ZNF92: variants seen among roughly 807,000 people sequenced by gnomAD.
The protein encoded by ZNF92 is epididymis luminal protein 203.
A neutral mutation model predicts 12.4 loss-of-function variants in ZNF92; 11 were observed. That is an observed-to-expected ratio of 0.89 (90% confidence interval 0.56 to 1.47). ZNF92 has a LOEUF of 1.47. ZNF92 is among the 40% of genes most tolerant of loss of function. The pLI is 0.00. For missense variants in ZNF92, 622 were observed against 681.0 expected (o/e 0.91, Z 0.96); for synonymous variants, 206 against 228.6 (o/e 0.90, Z 0.89).
At position 65,401,049 on chromosome 7, in the gene ZNF92, C is replaced by CA. The variant is rs1167499563; in HGVS notation, c.*1174_*1175insA. Reference sequence around the variant, plus strand: ...ATTAATTATCATTTTGTTGATTGTGCTTTTATGTAATAAAATGCAGTACTT... The same window carrying CA: ...ATTAATTATCATTTTGTTGATTGTGCATTTTATGTAATAAAATGCAGTACTT... On this transcript the variant is annotated 3_prime_UTR_variant, in exon 4 of 4. Transcript: ENST00000328747. 1 of 151,938 alleles carries CA rather than the reference C, an allele frequency of 6.6e-6. No homozygotes were observed. Among genetic ancestry groups the CA allele is most frequent in the East Asian group, 1.9e-4 (1 of 5,190 alleles). 9.4% of individuals were successfully genotyped at this position (151,938 alleles called of 1,614,324 possible). A position where few individuals can be genotyped will look rare whatever the true frequency, so the allele number is the denominator to read the frequency against.
chr7:65,399,761 C>G lies in ZNF92; in HGVS notation c.1647C>G (p.Phe549Leu), dbSNP rs1465441332. Residue 549 changes from phenylalanine to leucine, a missense_variant, in exon 4 of 4, where the codon TTC becomes TTG. Physicochemically the swap from Phe to Leu is conservative, Grantham distance 22 (BLOSUM62 0). Coordinates refer to ENST00000328747, the MANE Select transcript of ZNF92 (RefSeq NM_152626.4). ...YEECDKAFNK[F>L]STLITHQIIY... ...AATGTGACAAAGCCTTTAACAAGTT[C>G]TCAACCCTTATTACACATCAGATAA... The G allele has an allele frequency of 3.7e-6, 6 of 1,613,432 alleles. No homozygotes were observed. The African/African-American group carries it at 5.3e-5, about 14-fold the overall frequency.
At chr7:65,385,962 A>G (rs1338103622) in intron 1 of ZNF92, among the ~76,000 whole-genome samples, 1 of 151,860 alleles carries the variant, frequency 6.6e-6, no homozygotes, top group Non-Finnish European at 1.5e-5. Flanking sequence ...TTTCCTCCCT[A>G]ATGAGTTTGT....
At chr7:65,392,463 CCAGG>C (rs1562795360) in intron 3 of ZNF92, among the ~76,000 whole-genome samples, 2 of 151,028 alleles carry the variant, frequency 1.3e-5, no homozygotes, top group Non-Finnish European at 2.9e-5. Flanking sequence ...CATTTCATTG[CCAGG>C]CATGGTGGTG....
Position 65,400,147 on chromosome 7 carries a change from A to G in ZNF92, c.*272A>G, listed in dbSNP as rs142600041. 99 of 285,314 alleles carry G rather than the reference A, an allele frequency of 3.5e-4. 1 individual carries two copies. Among genetic ancestry groups the G allele is most frequent in the African/African-American group, 1.9e-3 (85 of 45,806 alleles). 17.7% of individuals were successfully genotyped at this position (285,314 alleles called of 1,614,324 possible). A position where few individuals can be genotyped will look rare whatever the true frequency, so the allele number is the denominator to read the frequency against. On this transcript the variant is annotated 3_prime_UTR_variant, in exon 4 of 4. Coordinates refer to ENST00000328747, the MANE Select transcript of ZNF92 (RefSeq NM_152626.4). Reference sequence around the variant, plus strand: ...AAGCCATTTATATCTGCTCACATGTAAAAACATCAGTTCATACTTAATAAA... The same window carrying G: ...AAGCCATTTATATCTGCTCACATGTGAAAACATCAGTTCATACTTAATAAA...
chr7:65,388,244 C>G (rs1260240308), intron 2 of ZNF92: 1 of 334,316 alleles, frequency 3.0e-6, no homozygotes, highest in Non-Finnish European at 5.3e-6. Context: ...ATCCTTCACT[C>G]TAAATTAGTG....
intron 3 of ZNF92, among the ~76,000 whole-genome samples, chr7:65,396,339 G>A (rs981498308): frequency 6.6e-6 from 1 of 151,678 alleles, no homozygotes. Context: ...TAATCTCATA[G>A]TGACCTGCTT....
intron 1 of ZNF92, among the ~76,000 whole-genome samples, chr7:65,379,969 C>T (rs1793360810): frequency 6.6e-6 from 1 of 152,014 alleles, no homozygotes; most frequent in South Asian, 2.1e-4. Context: ...CTCTGAGGTA[C>T]TAAGCATAGA....
rs1793158221 is a variant in ZNF92, at chr7:65,373,914, T to TA, written c.-81dup. 3 of 1,594,242 alleles carry TA rather than the reference T, an allele frequency of 1.9e-6. No individual in the cohort carries two copies. The highest frequency in any genetic ancestry group is 3.3e-5 in the Admixed American group (2 of 59,978). On this transcript the variant is annotated 5_prime_UTR_variant, in exon 1 of 4. Coordinates refer to ENST00000328747, the MANE Select transcript of ZNF92 (RefSeq NM_152626.4). ...TTCACTGCTCTGCGTCCTGTGCTGA[T>TA]AAAGGCTCGCCGCTGTGACCCTGTT... is the stretch of plus-strand genomic sequence containing the variant.
chr7:65,374,017 C>T lies in ZNF92; in HGVS notation c.3+17C>T, dbSNP rs776398838. ...CTAGAAATGGTGAGCCTGCTGGGTC[C>T]CACATCCCGAGAGAGGGGGAGGGTC... is the stretch of plus-strand genomic sequence containing the variant. On this transcript the variant is annotated intron_variant, in intron 1 of 3. Transcript: ENST00000328747. 4.3e-6 allele frequency: 7 copies of T among 1,614,088 alleles called. 1 individual carries two copies. The South Asian group carries it at 6.6e-5, about 15-fold the overall frequency.
intron 1 of ZNF92, among the ~76,000 whole-genome samples, chr7:65,376,668 A>G (rs1161426499): frequency 1.3e-5 from 2 of 151,972 alleles, no homozygotes; most frequent in Admixed American, 1.3e-4. Flanking sequence ...GCTGGTCTTG[A>G]ACTCCTGACC....
At position 65,399,961 on chromosome 7, in the gene ZNF92, A is replaced by G. The variant is rs1214656654; in HGVS notation, c.*86A>G. 8.3e-7 allele frequency: 1 copy of G among 1,209,172 alleles called. No homozygotes were observed. Among genetic ancestry groups the G allele is most frequent in the African/African-American group, 1.5e-5 (1 of 65,988 alleles). 74.9% of individuals were successfully genotyped at this position (1,209,172 alleles called of 1,614,324 possible). Reference sequence around the variant, plus strand: ...CCCTAGAAATGTGAGGAATATGACAAGGACTTTAAATGGTTGTCACGCTTG... The same window carrying G: ...CCCTAGAAATGTGAGGAATATGACAGGGACTTTAAATGGTTGTCACGCTTG... On this transcript the variant is annotated 3_prime_UTR_variant, in exon 4 of 4. Coordinates refer to ENST00000328747, the MANE Select transcript of ZNF92 (RefSeq NM_152626.4).
At chr7:65,377,824 C>T (rs1469559310) in intron 1 of ZNF92, among the ~76,000 whole-genome samples, 3 of 152,098 alleles carry the variant, frequency 2.0e-5, no homozygotes, top group Non-Finnish European at 2.9e-5. Context: ...CTCGGCCTCC[C>T]AAAGTGTTGG....
At position 65,388,057 on chromosome 7, in the gene ZNF92, A is replaced by G. The variant is rs750952397; in HGVS notation, c.130+29A>G. ...AGGATAACTTCAATACACAATACACAATGCTCTAAAAGTTTCATTTCTCCT... is the reference window on the plus strand; with the variant it reads ...AGGATAACTTCAATACACAATACACGATGCTCTAAAAGTTTCATTTCTCCT... On this transcript the variant is annotated intron_variant, in intron 2 of 3. Coordinates refer to ENST00000328747, the MANE Select transcript of ZNF92 (RefSeq NM_152626.4). The G allele has an allele frequency of 5.8e-6, 9 of 1,563,856 alleles. No individual in the cohort carries two copies. In the African/African-American group the frequency reaches 1.3e-4, roughly 22 times the overall value.
At chr7:65,387,807 TTACTC>T in intron 1 of ZNF92, 90 bp from the exon 2 acceptor site, 1 of 1,416,494 alleles carries the variant, frequency 7.1e-7, no homozygotes, top group African/African-American at 1.5e-5. Context: ...CTTGTTCTCT[TTACTC>T]TTTCATTTCA....
rs769998215 is a variant in ZNF92, at chr7:65,399,696, A to G, written c.1582A>G (p.Lys528Glu). 3 of 1,613,370 alleles carry G rather than the reference A, an allele frequency of 1.9e-6. No individual in the cohort carries two copies. Among genetic ancestry groups the G allele is most frequent in the South Asian group, 1.1e-5 (1 of 91,036 alleles). The change falls in exon 4 of 4, where the codon AAG (lysine) becomes GAG (glutamate). Residue 528 changes from lysine to glutamate, a missense_variant. Lys to Glu is a moderately conservative substitution (Grantham distance 56). Transcript: ENST00000328747. The part of the protein sequence containing the change: ...FNQSSNLTAR[K>E]IIYTGEKPYK... ...CCAGTCCTCAAACCTTACTGCACGT[A>G]AGATAATTTATACTGGAGAGAAACC...
intron 1 of ZNF92, 130 bp downstream of exon 1, chr7:65,374,130 G>A: frequency 2.3e-6 from 3 of 1,306,302 alleles, no homozygotes; most frequent in Non-Finnish European, 3.3e-6. Context: ...TCTCCTTGGC[G>A]CAGCTCGGCC....
In ZNF92 at chr7:65,395,468, A is replaced by G. The variant is rs184591687; in HGVS notation, c.227-2873A>G. Reference sequence around the variant, plus strand: ...TAGAAAGTTTTGTACATGTCTGTTAAGCCTAGTTGGTCTATGATATTGTTT... The same window carrying G: ...TAGAAAGTTTTGTACATGTCTGTTAGGCCTAGTTGGTCTATGATATTGTTT... On this transcript the variant is annotated intron_variant, in intron 3 of 3. Transcript: ENST00000328747. 7.4e-4 allele frequency among the ~76,000 whole-genome samples: 113 copies of G among 152,256 alleles called. 1 individual carries two copies. Among genetic ancestry groups the G allele is most frequent in the African/African-American group, 2.7e-3 (111 of 41,544 alleles).
intron 1 of ZNF92, 50 bp from the exon 2 acceptor site, chr7:65,387,852 G>A: frequency 6.6e-7 from 1 of 1,509,994 alleles, no homozygotes; most frequent in East Asian, 2.5e-5. Flanking sequence ...TTCTGCCCAT[G>A]GCCACTTAGT....
In ZNF92 at chr7:65,398,613, C is replaced by T; in HGVS notation, c.499C>T (p.His167Tyr). ...AAATGTAAATAGAAATAAGATAAGA[C>T]ATACTGGAAAGAAACCTTTCAAATG... ...FPNVNRNKIR[H>Y]TGKKPFKCKN... The change falls in exon 4 of 4, where the codon CAT (histidine) becomes TAT (tyrosine). Residue 167 changes from histidine to tyrosine, a missense_variant. Physicochemically the swap from His to Tyr is moderately conservative, Grantham distance 83. Transcript: ENST00000328747. 1 of 1,611,490 alleles carries T rather than the reference C, an allele frequency of 6.2e-7. No individual in the cohort carries two copies. Among genetic ancestry groups the T allele is most frequent in the Non-Finnish European group, 8.5e-7 (1 of 1,179,238 alleles).
Sources: gnomAD v4.1 joint callset for allele counts (sites outside exome capture counted in the v4.1 genomes callset) on GRCh38, gnomAD v4.1.1 for gene constraint, MANE v1.5 for transcripts, NCBI Gene and HGNC (gene_info 2026-07-23, HGNC 2026-07-21) for gene names.